The following TNFRSF10B variants were observed in gnomAD, a reference collection of about 807,000 sequenced individuals.
The protein encoded by TNFRSF10B is TNF receptor superfamily member 10b.
TNFRSF10B carries 35 observed loss-of-function variants against 41.4 expected under a neutral mutation model. That is an observed-to-expected ratio of 0.85 (90% CI 0.65 to 1.12). The LOEUF is 1.12. Ranked by LOEUF, TNFRSF10B falls within the 50% of genes most tolerant of loss-of-function variation. The pLI is 0.00. For missense variants in TNFRSF10B, 584 were observed against 552.7 expected, an observed-to-expected ratio of 1.06 and a Z score of -0.57; for synonymous variants, 230 against 215.5, an observed-to-expected ratio of 1.07 and a Z score of -0.59.
rs1362680444 is a variant in TNFRSF10B at position 23,020,868 on chromosome 8, C to T, written c.*1803G>A. The stretch of plus-strand genomic sequence containing the variant: ...CCCAGCAAAGGCAAAGACCAGGAGG[C>T]AGCAGCACCCTGTGCCTTCCAGAAG... On this transcript the variant is annotated 3_prime_UTR_variant, in exon 9 of 9. Transcript: ENST00000276431. 3 of 454,084 alleles carry T rather than the reference C, an allele frequency of 6.6e-6. No homozygotes were observed. Among genetic ancestry groups the T allele is most frequent in the East Asian group, 6.9e-5 (1 of 14,400 alleles). The allele number at this position is 454,084 out of a possible 1,614,324, so 28.1% of individuals were successfully genotyped here.
At chr8:23,058,204 G>A (rs1273510473) in intron 1 of TNFRSF10B, among the ~76,000 whole-genome samples, 8 of 151,998 alleles carry the variant, frequency 5.3e-5, no homozygotes, top group African/African-American at 1.7e-4. Context: ...CTGACATCTC[G>A]CCACTGCACT....
At chr8:23,048,337 A>G (rs150292209) in intron 1 of TNFRSF10B, among the ~76,000 whole-genome samples, 1,960 of 151,506 alleles carry the variant, frequency 0.013, 40 homozygotes, top group African/African-American at 0.045. Context: ...TCAGGAGGCT[A>G]AGGCAGGAGA....
intron 1 of TNFRSF10B, among the ~76,000 whole-genome samples, chr8:23,046,265 T>C (rs574935092): frequency 6.6e-6 from 1 of 152,054 alleles, no homozygotes; most frequent in Non-Finnish European, 1.5e-5. Context: ...AATCAACATA[T>C]GAAAATCAGT....
chr8:23,021,396 ACTC>A lies in TNFRSF10B; in HGVS notation c.*1272_*1274del, dbSNP rs1269723040. On this transcript the variant is annotated 3_prime_UTR_variant, in exon 9 of 9. Transcript: ENST00000276431. ...TAACCAGAAGTGAGCCGGGCCATCT[ACTC>A]CTGAGATGGCAACCATTTCACACCA... The A allele has an allele frequency of 2.2e-6, 1 of 453,936 alleles. No homozygotes were observed. The highest frequency in any genetic ancestry group is 7.0e-5 in the East Asian group (1 of 14,364). The allele number at this position is 453,936 out of a possible 1,614,324, so 28.1% of individuals were successfully genotyped here.
intron 2 of TNFRSF10B, among the ~76,000 whole-genome samples, chr8:23,042,252 G>A (rs542463080): frequency 1.3e-5 from 2 of 152,304 alleles, no homozygotes; most frequent in Admixed American, 6.5e-5. Flanking sequence ...GCCCACATGT[G>A]CAATGTGAGG....
chr8:23,052,048 A>G (rs1441385429), intron 1 of TNFRSF10B, among the ~76,000 whole-genome samples: 2 of 152,156 alleles, frequency 1.3e-5, no homozygotes, highest in Admixed American at 6.5e-5. Context: ...TAATTTTGCA[A>G]TGGTGGTTTC....
rs760730840 is a variant in TNFRSF10B, at chr8:23,027,748, C to G, written c.754G>C (p.Gly252Arg). 6.2e-7 allele frequency: 1 copy of G among 1,614,098 alleles called. No homozygotes were observed. The highest frequency in any genetic ancestry group is 1.7e-5 in the Admixed American group (1 of 60,020). The change falls in exon 6 of 9, where the codon GGT (glycine) becomes CGT (arginine). Residue 252 changes from glycine (G) to arginine (R), a missense_variant. Gly to Arg is a moderately radical substitution (Grantham distance 125). Coordinates refer to ENST00000276431, the MANE Select transcript of TNFRSF10B (RefSeq NM_003842.5). ...CTGTCCACACGCTCAGGGTCCCCAC[C>G]ACCACCTAAAAAAGAAGCAGTCTCC... ...PYLKGICSGG[G>R]GDPERVDRSS...
Position 23,068,996 on chromosome 8 carries a change from G to A in TNFRSF10B, c.-102C>T. 2 of 1,581,382 alleles carry A rather than the reference G, an allele frequency of 1.3e-6. No homozygotes were observed. Among genetic ancestry groups the A allele is most frequent in the Non-Finnish European group, 1.7e-6 (2 of 1,159,070 alleles). On this transcript the variant is annotated 5_prime_UTR_variant, in exon 1 of 9. Coordinates refer to ENST00000276431, the MANE Select transcript of TNFRSF10B (RefSeq NM_003842.5). ...ATTTTGTGGGCGCAGAGATTGCGGG[G>A]TTCTCCGGCCGCGTGCTGATTTATG...
chr8:23,027,360 A>G (rs1234807998), intron 6 of TNFRSF10B, 72 bp from the exon 7 acceptor site: 1 of 1,585,346 alleles, frequency 6.3e-7, no homozygotes, highest in Admixed American at 1.7e-5. Context: ...CAGGGTCCTC[A>G]GTATGCAGCT....
intron 1 of TNFRSF10B, among the ~76,000 whole-genome samples, chr8:23,046,313 G>A (rs1032675646): frequency 2.6e-5 from 4 of 151,576 alleles, no homozygotes; most frequent in Non-Finnish European, 5.9e-5. Context: ...ATATGAAACA[G>A]ACATTAAGAA....
chr8:23,028,176 G>A, intron 5 of TNFRSF10B, 155 bp downstream of exon 5: 2 of 983,410 alleles, frequency 2.0e-6, no homozygotes. Flanking sequence ...GGGGTGCACG[G>A]GATGTGGGGA....
rs1220686099 is a variant in TNFRSF10B at position 23,021,412 on chromosome 8, C to T, written c.*1259G>A. 4.4e-6 allele frequency: 2 copies of T among 454,072 alleles called. No individual in the cohort carries two copies. The highest frequency in any genetic ancestry group is 1.6e-5 in the South Asian group (1 of 64,476). 28.1% of individuals were successfully genotyped at this position (454,072 alleles called of 1,614,324 possible). ...GGGCCATCTACTCCTGAGATGGCAA[C>T]CATTTCACACCATTCTCAAGCACCA... On this transcript the variant is annotated 3_prime_UTR_variant, in exon 9 of 9. Coordinates refer to ENST00000276431, the MANE Select transcript of TNFRSF10B (RefSeq NM_003842.5).
chr8:23,064,009 T>C (rs1812910716), intron 1 of TNFRSF10B, among the ~76,000 whole-genome samples: 1 of 152,242 alleles, frequency 6.6e-6, no homozygotes, highest in African/African-American at 2.4e-5. Flanking sequence ...CATTCATTCA[T>C]GGAAGGCATG....
chr8:23,047,357 C>CCAAA (rs1812394527), intron 1 of TNFRSF10B, among the ~76,000 whole-genome samples: 1 of 108,388 alleles, frequency 9.2e-6, no homozygotes, highest in African/African-American at 3.2e-5. Context: ...AATTTCATCT[C>CCAAA]AAAAAAAAAA....
intron 1 of TNFRSF10B, among the ~76,000 whole-genome samples, chr8:23,061,953 G>T (rs1167537645): frequency 1.3e-5 from 2 of 152,146 alleles, no homozygotes; most frequent in African/African-American, 4.8e-5. Context: ...TTTTGTTGAA[G>T]ATTTTTGCAT....
rs773089811 is a variant in TNFRSF10B, at chr8:23,020,176, AATAC to A, written c.*2491_*2494del. ...TATTTAATTTGGTCATGGATTCATA[AATAC>A]ATAAGTATTTTGTACACAATGTGCT... On this transcript the variant is annotated 3_prime_UTR_variant, in exon 9 of 9. Transcript: ENST00000276431. 3.9e-4 allele frequency: 166 copies of A among 420,724 alleles called. 3 individuals carry two copies. The highest frequency in any genetic ancestry group is 2.4e-3 in the Middle Eastern group (3 of 1,274). 26.1% of individuals were successfully genotyped at this position (420,724 alleles called of 1,614,324 possible). A position where few individuals can be genotyped will look rare whatever the true frequency, so the allele number is the denominator to read the frequency against.
At chr8:23,056,825 T>A (rs1198376226) in intron 1 of TNFRSF10B, among the ~76,000 whole-genome samples, 2 of 152,142 alleles carry the variant, frequency 1.3e-5, no homozygotes, top group Non-Finnish European at 2.9e-5. Context: ...GACATTGTTA[T>A]CTATTTCCAA....
intron 1 of TNFRSF10B, among the ~76,000 whole-genome samples, chr8:23,048,512 G>A (rs1563318724): frequency 6.6e-6 from 1 of 151,912 alleles, no homozygotes; most frequent in East Asian, 1.9e-4. Flanking sequence ...TGGGCACGGG[G>A]GAATGGGGAG....
chr8:23,045,904 C>A (rs1446950294), intron 1 of TNFRSF10B, among the ~76,000 whole-genome samples: 2 of 152,020 alleles, frequency 1.3e-5, no homozygotes, highest in African/African-American at 4.8e-5. Flanking sequence ...ATGATAAAAA[C>A]TCTAATCAAA....
Sources: allele counts gnomAD v4.1 joint callset (sites outside exome capture counted in the v4.1 genomes callset), GRCh38; gene constraint gnomAD v4.1.1; transcripts MANE v1.5; gene names NCBI Gene and HGNC (gene_info 2026-07-23, HGNC 2026-07-21).